ZNF516: variants seen among roughly 807,000 people sequenced by gnomAD.
ZNF516 encodes the protein zinc finger protein 516.
A neutral mutation model predicts 79.7 loss-of-function variants in ZNF516; 19 were observed. The observed-to-expected ratio is 0.24, with a 90% CI of 0.17 to 0.35. ZNF516 has a LOEUF of 0.35. Ranked by LOEUF, ZNF516 falls within the 10% of genes least tolerant of loss-of-function variation. ZNF516 has a pLI of 1.00. For missense variants in ZNF516, 1,678 were observed against 1,679.5 expected, an observed-to-expected ratio of 1.00 and a Z score of 0.02; for synonymous variants, 877 against 739.5, an observed-to-expected ratio of 1.19 and a Z score of -3.02.
At chr18:76,422,618 T>C (rs1393224293) in intron 3 of ZNF516, among the ~76,000 whole-genome samples, 4 of 152,176 alleles carry the variant, frequency 2.6e-5, no homozygotes, top group South Asian at 4.1e-4. Context: ...AAAGGGGTTA[T>C]GAAGCAGACA....
At chr18:76,477,997 C>T (rs541917061) in intron 1 of ZNF516, among the ~76,000 whole-genome samples, 30 of 152,176 alleles carry the variant, frequency 2.0e-4, no homozygotes, top group African/African-American at 6.7e-4. Context: ...CACTTTGTTC[C>T]AGATCTATTC....
intron 1 of ZNF516, among the ~76,000 whole-genome samples, chr18:76,489,776 G>C (rs1405394090): frequency 1.3e-5 from 2 of 152,130 alleles, no homozygotes; most frequent in Non-Finnish European, 2.9e-5. Flanking sequence ...TCTTGATCTA[G>C]TGTATTTCAG....
At chr18:76,413,533 A>G (rs1314078450) in intron 3 of ZNF516, among the ~76,000 whole-genome samples, 18 of 152,084 alleles carry the variant, frequency 1.2e-4, no homozygotes, top group South Asian at 6.3e-4. Context: ...TTATATGACT[A>G]TATTAATAAG....
chr18:76,430,838 C>G (rs1479112323), intron 3 of ZNF516, among the ~76,000 whole-genome samples: 2 of 152,180 alleles, frequency 1.3e-5, no homozygotes, highest in African/African-American at 4.8e-5. Context: ...ACAGTTCGCC[C>G]AAATGTCTTA....
rs932386084 is a variant in ZNF516 at position 76,366,628 on chromosome 18, G to A, written c.3432+3900C>T. 7.2e-5 allele frequency among the ~76,000 whole-genome samples: 11 copies of A among 152,168 alleles called. No individual in the cohort carries two copies. In the South Asian group the frequency reaches 8.3e-4, roughly 11 times the overall value. ...ATCAATGACAGCCATCTGTCTACAC[G>A]GGCGTAAGTATGTGTGTAGATGTGT... On this transcript the variant is annotated intron_variant, in intron 6 of 6. Coordinates refer to ENST00000443185, the MANE Select transcript of ZNF516 (RefSeq NM_014643.4).
At chr18:76,387,889 G>T (rs1160398083) in intron 3 of ZNF516, 1 of 152,248 alleles carries the variant, frequency 6.6e-6, no homozygotes, top group Non-Finnish European at 1.5e-5. Flanking sequence ...TCAAACTCAA[G>T]TGTTGCTTTT....
At chr18:76,436,083 T>TG (rs1353530505) in intron 3 of ZNF516, among the ~76,000 whole-genome samples, 1 of 152,244 alleles carries the variant, frequency 6.6e-6, no homozygotes, top group African/African-American at 2.4e-5. Context: ...AAGATGAGCC[T>TG]GGGGCTGTGG....
chr18:76,470,802 C>G (rs1204801195), intron 1 of ZNF516, among the ~76,000 whole-genome samples: 1 of 152,140 alleles, frequency 6.6e-6, no homozygotes, highest in East Asian at 1.9e-4. Flanking sequence ...ATCACCAGGT[C>G]AGGAGATCAA....
chr18:76,483,412 C>T (rs1914642542), intron 1 of ZNF516, among the ~76,000 whole-genome samples: 3 of 152,206 alleles, frequency 2.0e-5, no homozygotes, highest in Admixed American at 2.0e-4. Flanking sequence ...CCATGATCCA[C>T]TCTGTCTCTG....
chr18:76,444,607 G>C (rs1159853074), intron 2 of ZNF516, among the ~76,000 whole-genome samples: 1 of 152,184 alleles, frequency 6.6e-6, no homozygotes, highest in African/African-American at 2.4e-5. Context: ...CTCCCTGTTT[G>C]CTCCGAGTTT....
At chr18:76,413,145 C>CTGTGG (rs1344484625) in intron 3 of ZNF516, among the ~76,000 whole-genome samples, 1 of 152,146 alleles carries the variant, frequency 6.6e-6, no homozygotes, top group Admixed American at 6.5e-5. Flanking sequence ...CGGTTTATTC[C>CTGTGG]CATTTTTTAA....
chr18:76,452,013 G>C (rs1912442201), intron 2 of ZNF516, among the ~76,000 whole-genome samples: 1 of 152,124 alleles, frequency 6.6e-6, no homozygotes, highest in Non-Finnish European at 1.5e-5. Flanking sequence ...GCTGTTCTCA[G>C]ACCAATCAAT....
chr18:76,423,231 AG>A (rs1481823698), intron 3 of ZNF516, among the ~76,000 whole-genome samples: 6 of 152,384 alleles, frequency 3.9e-5, no homozygotes, highest in African/African-American at 1.4e-4. Flanking sequence ...AAGCTAGGAA[AG>A]GAAAAGCTGC....
In ZNF516 at chr18:76,433,006, G is replaced by GCCGCACATCCTGAGT. The variant is rs1487082855; in HGVS notation, c.1810+8224_1810+8238dup. Among the ~76,000 whole-genome samples the GCCGCACATCCTGAGT allele has an allele frequency of 3.9e-5, 6 of 152,148 alleles. No homozygotes were observed. The East Asian group carries it at 1.2e-3, about 29-fold the overall frequency. ...CCAACAACACCAAAAGCGAGACCTG[G>GCCGCACATCCTGAGT]CCGCACATCCTGAGTCCACACATCC... On this transcript the variant is annotated intron_variant, in intron 3 of 6. Coordinates refer to ENST00000443185, the MANE Select transcript of ZNF516 (RefSeq NM_014643.4).
chr18:76,401,770 A>ACCACCAACCACACCCCCGCGCCGCACCCC (rs1568261832), intron 3 of ZNF516, among the ~76,000 whole-genome samples: 3 of 552 alleles, frequency 5.4e-3, no homozygotes, highest in Non-Finnish European at 0.011. Context: ...CCCGCGCTCC[A>ACCACCAACCACACCCCCGCGCCGCACCCC]TCTCTCCACC....
chr18:76,386,171 C>G (rs532616593), intron 3 of ZNF516: 1 of 152,196 alleles, frequency 6.6e-6, no homozygotes, highest in Non-Finnish European at 1.5e-5. Flanking sequence ...CTCTGGGTTT[C>G]TAAGGGAAGG....
intron 1 of ZNF516, among the ~76,000 whole-genome samples, chr18:76,469,449 T>C (rs1183296760): frequency 1.3e-5 from 2 of 152,192 alleles, no homozygotes; most frequent in Non-Finnish European, 2.9e-5. Flanking sequence ...ATATTTTCCT[T>C]TCTACATTGA....
chr18:76,487,932 A>G lies in ZNF516; in HGVS notation c.-272+7212T>C, dbSNP rs1020427966. On this transcript the variant is annotated intron_variant, in intron 1 of 6. Transcript: ENST00000443185. Reference sequence around the variant, plus strand: ...GAGAGCCCCCAGGAGGGGAGGGAGAAGAAGGGAACAGCTACACTGTCAGCT... The same window carrying G: ...GAGAGCCCCCAGGAGGGGAGGGAGAGGAAGGGAACAGCTACACTGTCAGCT... 1.8e-5 allele frequency: 18 copies of G among 985,268 alleles called. No homozygotes were observed. In the African/African-American group the frequency reaches 3.1e-4, roughly 17 times the overall value. The allele number at this position is 985,268 out of a possible 1,614,324, so 61.0% of individuals were successfully genotyped here. A position where few individuals can be genotyped will look rare whatever the true frequency, so the allele number is the denominator to read the frequency against.
In ZNF516 at chr18:76,441,599, C is replaced by G; in HGVS notation, c.1456G>C (p.Asp486His). Residue 486 changes from aspartate to histidine, a missense_variant, in exon 3 of 7, where the codon GAC (aspartate) becomes CAC (histidine). Around this residue, in one of 5 missense-constraint regions of ZNF516, gnomAD observed 1,294 missense variants for 1,248.3 expected, o/e 1.04. Coordinates refer to ENST00000443185, the MANE Select transcript of ZNF516 (RefSeq NM_014643.4). ...TCGAGGTGGCCGGCGGGCGCGGGGTCCCCAGGCCCGCTCGCGCGCTTCCGC... is the reference window on the plus strand; with the variant it reads ...TCGAGGTGGCCGGCGGGCGCGGGGTGCCCAGGCCCGCTCGCGCGCTTCCGC... ...PPRKRASGPG[D>H]PAPAGHLDPR... 1 of 1,472,480 alleles carries G rather than the reference C, an allele frequency of 6.8e-7. No individual in the cohort carries two copies. Among genetic ancestry groups the G allele is most frequent in the African/African-American group, 1.5e-5 (1 of 68,164 alleles). The allele number at this position is 1,472,480 out of a possible 1,614,324, so 91.2% of individuals were successfully genotyped here. A position where few individuals can be genotyped will look rare whatever the true frequency, so the allele number is the denominator to read the frequency against.
Sources: gnomAD v4.1 joint callset for allele counts (sites outside exome capture counted in the v4.1 genomes callset) on GRCh38, gnomAD v4.1.1 for gene constraint, gnomAD v4.1.1 regional missense constraint, MANE v1.5 for transcripts, NCBI Gene and HGNC (gene_info 2026-07-23, HGNC 2026-07-21) for gene names.